The following TRAPPC9 variants were observed in gnomAD, a reference collection of about 807,000 sequenced individuals.
The protein encoded by TRAPPC9 is trafficking protein particle complex subunit 9, also known as IKK2 binding protein.
A neutral mutation model predicts 124.0 loss-of-function variants in TRAPPC9; 83 were observed. That is an observed-to-expected ratio of 0.67 (90% CI 0.56 to 0.80). The LOEUF (loss-of-function observed/expected upper bound fraction) is 0.80. TRAPPC9 is among the 30% of genes least tolerant of loss of function. The pLI is 0.00. For missense variants in TRAPPC9, 1,302 were observed against 1,508.3 expected, an observed-to-expected ratio of 0.86 and a Z score of 2.27; for synonymous variants, 638 against 617.5, an observed-to-expected ratio of 1.03 and a Z score of -0.49.
At chr8:140,272,126 G>GTGGTGATGGTGA (rs1331730567) in intron 15 of TRAPPC9, among the ~76,000 whole-genome samples, 1 of 146,686 alleles carries the variant, frequency 6.8e-6, no homozygotes, top group East Asian at 2.0e-4. Context: ...AATGGTGATG[G>GTGGTGATGGTGA]TGGCGATGGT....
intron 21 of TRAPPC9, among the ~76,000 whole-genome samples, chr8:139,762,342 C>T (rs570841912): frequency 1.4e-4 from 21 of 152,310 alleles, no homozygotes; most frequent in Non-Finnish European, 2.8e-4. Context: ...CTCTTAAATA[C>T]AGTCACGCAC....
intron 21 of TRAPPC9, among the ~76,000 whole-genome samples, chr8:139,739,269 AGTTGG>A (rs1388207781): frequency 8.5e-5 from 13 of 152,102 alleles, no homozygotes; most frequent in Non-Finnish European, 1.8e-4. Flanking sequence ...GTGCCCATGC[AGTTGG>A]GCCTCTGCTC....
rs113368546 is a variant in TRAPPC9 at position 139,984,372 on chromosome 8, G to A, written c.2810+4354C>T. Among the ~76,000 whole-genome samples, 196 of 152,276 alleles carry A rather than the reference G, an allele frequency of 1.3e-3. No individual in the cohort carries two copies. The highest frequency in any genetic ancestry group is 4.6e-3 in the African/African-American group (191 of 41,566). ...AGCCCCACTACTGCCCACACCTCCA[G>A]GCAGAGCCCATGCCCTCCCCACTCC... On this transcript the variant is annotated intron_variant, in intron 19 of 22. Transcript: ENST00000438773. The surrounding 1 kb of genome is among the most constrained non-coding windows in gnomAD (Gnocchi z 4.3).
At chr8:140,123,015 C>A (rs1030328103) in intron 17 of TRAPPC9, among the ~76,000 whole-genome samples, 3 of 152,166 alleles carry the variant, frequency 2.0e-5, no homozygotes, top group African/African-American at 7.2e-5. Context: ...ATGTGTTGAG[C>A]AAGATGCACC....
chr8:140,389,798 T>C (rs1042558893), intron 7 of TRAPPC9, among the ~76,000 whole-genome samples: 1 of 141,428 alleles, frequency 7.1e-6, no homozygotes, highest in African/African-American at 2.7e-5. Flanking sequence ...TAAAAAAGGA[T>C]CTAAAATCAA....
chr8:140,161,760 C>T (rs564475490), intron 17 of TRAPPC9, among the ~76,000 whole-genome samples: 7 of 151,974 alleles, frequency 4.6e-5, no homozygotes, highest in Non-Finnish European at 1.0e-4. Flanking sequence ...AAGAGAGGCA[C>T]GGCAATGGCT....
chr8:139,804,333 CACCA>C (rs1823828749), intron 21 of TRAPPC9, among the ~76,000 whole-genome samples: 1 of 132,434 alleles, frequency 7.6e-6, no homozygotes. Flanking sequence ...CGCCACCAAG[CACCA>C]CCACCACCGC....
At chr8:139,784,606 G>GATATATATATAT (rs1463265666) in intron 21 of TRAPPC9, among the ~76,000 whole-genome samples, 11 of 30,434 alleles carry the variant, frequency 3.6e-4, no homozygotes, top group African/African-American at 1.1e-3. Context: ...ATAAAAGACT[G>GATATATATATAT]ACATATATAT....
intron 18 of TRAPPC9, among the ~76,000 whole-genome samples, chr8:140,003,868 C>T (rs972525709): frequency 3.9e-5 from 6 of 152,186 alleles, no homozygotes; most frequent in Non-Finnish European, 7.3e-5. Context: ...GAATTGAAAA[C>T]TTAAATTCAC....
chr8:139,998,639 G>A (rs941672083), intron 18 of TRAPPC9, among the ~76,000 whole-genome samples: 30 of 152,180 alleles, frequency 2.0e-4, no homozygotes, highest in South Asian at 6.2e-4. Context: ...GGAGAATGGT[G>A]TGAAACCAGG....
At chr8:139,974,535 G>C (rs1240132128) in intron 19 of TRAPPC9, among the ~76,000 whole-genome samples, 1 of 152,178 alleles carries the variant, frequency 6.6e-6, no homozygotes, top group Non-Finnish European at 1.5e-5. Context: ...TGCAGCCCTT[G>C]TGGAAACTAA....
chr8:139,785,034 A>G (rs1292842776), intron 21 of TRAPPC9, among the ~76,000 whole-genome samples: 1 of 152,248 alleles, frequency 6.6e-6, no homozygotes, highest in Non-Finnish European at 1.5e-5. Context: ...GTTTTCGCAC[A>G]ACAGCAATAA....
intron 17 of TRAPPC9, among the ~76,000 whole-genome samples, chr8:140,073,283 T>G (rs11997254): frequency 0.52 from 78,613 of 152,056 alleles, 20,428 homozygotes; most frequent in Middle Eastern, 0.58. Flanking sequence ...ACAGCTTTAT[T>G]CATAATAGTC....
chr8:140,228,896 A>G (rs2063516159), intron 16 of TRAPPC9, among the ~76,000 whole-genome samples: 1 of 152,236 alleles, frequency 6.6e-6, no homozygotes, highest in Non-Finnish European at 1.5e-5. Context: ...GAAAAGAGAG[A>G]TTATATCCAA....
chr8:139,743,711 G>A (rs1818705398), intron 21 of TRAPPC9, among the ~76,000 whole-genome samples: 1 of 152,146 alleles, frequency 6.6e-6, no homozygotes, highest in Non-Finnish European at 1.5e-5. Context: ...AAGGTTTCCT[G>A]CCCTTCACCA....
intron 19 of TRAPPC9, among the ~76,000 whole-genome samples, chr8:139,956,424 G>T (rs1834989852): frequency 6.6e-6 from 1 of 152,182 alleles, no homozygotes; most frequent in Non-Finnish European, 1.5e-5. Context: ...ACCTCCCAAA[G>T]TGCTGGGATT....
chr8:140,354,027 T>C (rs2067664234), intron 9 of TRAPPC9, among the ~76,000 whole-genome samples: 1 of 152,182 alleles, frequency 6.6e-6, no homozygotes, highest in Admixed American at 6.5e-5. Context: ...GTGACAGTAA[T>C]GGAAACGGCA....
chr8:139,860,851 C>A (rs1311122466), intron 21 of TRAPPC9, among the ~76,000 whole-genome samples: 1 of 152,248 alleles, frequency 6.6e-6, no homozygotes, highest in Admixed American at 6.5e-5. Flanking sequence ...GCCCTGCACA[C>A]CTCCAGGCTG....
At chr8:140,093,584 C>A (rs1332064600) in intron 17 of TRAPPC9, among the ~76,000 whole-genome samples, 2 of 151,520 alleles carry the variant, frequency 1.3e-5, no homozygotes, top group Non-Finnish European at 2.9e-5. Flanking sequence ...AGTAGAATTG[C>A]TTGAACTCAA....
Sources: gnomAD v4.1 joint callset for allele counts (sites outside exome capture counted in the v4.1 genomes callset) on GRCh38, gnomAD v4.1.1 for gene constraint, Gnocchi (gnomAD v3.1) non-coding constraint, MANE v1.5 for transcripts, NCBI Gene and HGNC (gene_info 2026-07-23, HGNC 2026-07-21) for gene names.